Variants in MGMT observed in about 807,000 individuals in gnomAD.
The protein encoded by MGMT is O-6-methylguanine-DNA methyltransferase.
Under a neutral mutation model 15.9 loss-of-function variants are expected in MGMT, and 14 were observed. The ratio of observed to expected loss-of-function variants is 0.88; its 90% confidence interval spans 0.58 to 1.37. The LOEUF is 1.37. Among genes scored for constraint, MGMT ranks in the 40% most tolerant of loss-of-function variants. MGMT has a pLI of 0.00. For missense variants in MGMT, 282 were observed against 268.1 expected (o/e 1.05, Z -0.36); for synonymous variants, 130 against 118.2 (o/e 1.10, Z -0.65).
At chr10:129,759,924 C>A (rs911643322) in intron 4 of MGMT, among the ~76,000 whole-genome samples, 1 of 152,196 alleles carries the variant, frequency 6.6e-6, no homozygotes, top group Non-Finnish European at 1.5e-5. Flanking sequence ...CTAGACCACA[C>A]GCACCTCGTG....
At chr10:129,682,225 C>T (rs1847860817) in intron 2 of MGMT, among the ~76,000 whole-genome samples, 5 of 152,008 alleles carry the variant, frequency 3.3e-5, no homozygotes. Context: ...TAGTGACCCC[C>T]AAATTGGAAG....
At chr10:129,723,032 GTC>G (rs941897531) in intron 3 of MGMT, among the ~76,000 whole-genome samples, 2 of 102,614 alleles carry the variant, frequency 1.9e-5, no homozygotes, top group African/African-American at 3.9e-5. Flanking sequence ...AAAAAAAAAA[GTC>G]TTGTCAACTA....
chr10:129,497,134 C>G (rs1316129419), intron 1 of MGMT, among the ~76,000 whole-genome samples: 1 of 152,190 alleles, frequency 6.6e-6, no homozygotes, highest in East Asian at 1.9e-4. Context: ...TGCTGGCCAG[C>G]TGACACTAAT....
At chr10:129,519,150 G>A (rs577927578) in intron 1 of MGMT, among the ~76,000 whole-genome samples, 1 of 152,158 alleles carries the variant, frequency 6.6e-6, no homozygotes, top group African/African-American at 2.4e-5. Flanking sequence ...CTGTCTTCGA[G>A]GGGAAAGGCC....
chr10:129,716,428 C>T (rs531265414), intron 3 of MGMT, among the ~76,000 whole-genome samples: 2 of 152,330 alleles, frequency 1.3e-5, no homozygotes, highest in East Asian at 3.9e-4. Flanking sequence ...TGTGCCCACA[C>T]TGTCTGCTTT....
chr10:129,486,056 G>A (rs4751090), intron 1 of MGMT, among the ~76,000 whole-genome samples: 23,320 of 152,054 alleles, frequency 0.15, 1,900 homozygotes, highest in African/African-American at 0.2. Context: ...TAGATAGATA[G>A]CCTTTTTAAT....
intron 2 of MGMT, among the ~76,000 whole-genome samples, chr10:129,657,696 C>G (rs1847542328): frequency 7.0e-6 from 1 of 143,064 alleles, no homozygotes; most frequent in Non-Finnish European, 1.5e-5. Flanking sequence ...CACACACACA[C>G]ACACACACAC....
At chr10:129,696,183 A>G (rs915496716) in intron 2 of MGMT, among the ~76,000 whole-genome samples, 6 of 152,160 alleles carry the variant, frequency 3.9e-5, no homozygotes, top group South Asian at 2.1e-4. Flanking sequence ...TACAGCATAG[A>G]TGCCTTAGTG....
chr10:129,584,761 C>G (rs1846599714), intron 2 of MGMT, among the ~76,000 whole-genome samples: 1 of 152,172 alleles, frequency 6.6e-6, no homozygotes, highest in African/African-American at 2.4e-5. Context: ...GTGCCTGGTT[C>G]CTTTCCCTTC....
At chr10:129,622,874 A>G (rs937811221) in intron 2 of MGMT, among the ~76,000 whole-genome samples, 2 of 152,102 alleles carry the variant, frequency 1.3e-5, no homozygotes, top group Non-Finnish European at 2.9e-5. Flanking sequence ...AGCCCCTGGA[A>G]TGTTGAGTGA....
At chr10:129,675,283 A>C (rs1441517900) in intron 2 of MGMT, among the ~76,000 whole-genome samples, 2 of 152,166 alleles carry the variant, frequency 1.3e-5, no homozygotes, top group African/African-American at 4.8e-5. Flanking sequence ...CCCTGGCTGT[A>C]GTGTGGTGAG....
chr10:129,514,068 G>C (rs1845712457), intron 1 of MGMT, among the ~76,000 whole-genome samples: 1 of 152,196 alleles, frequency 6.6e-6, no homozygotes, highest in African/African-American at 2.4e-5. Context: ...GCAGATCTCT[G>C]AGATTTTCAT....
chr10:129,565,014 T>C (rs1372653010), intron 2 of MGMT, among the ~76,000 whole-genome samples: 3 of 152,042 alleles, frequency 2.0e-5, no homozygotes, highest in African/African-American at 7.2e-5. Context: ...AAAGCCTTCA[T>C]GAAAAAAGAT....
chr10:129,528,696 G>T (rs568365787), intron 1 of MGMT, among the ~76,000 whole-genome samples: 2 of 152,280 alleles, frequency 1.3e-5, no homozygotes, highest in South Asian at 4.1e-4. Context: ...CGGTGGTGGA[G>T]TAGCTCACAG....
At position 129,473,604 on chromosome 10, in the gene MGMT, A is replaced by G. The variant is rs549491872; in HGVS notation, c.-13+6308A>G. Among the ~76,000 whole-genome samples, 3 of 152,342 alleles carry G rather than the reference A, an allele frequency of 2.0e-5. No individual in the cohort carries two copies. The South Asian group carries it at 6.2e-4, about 32-fold the overall frequency. ...CCACTTGTGCCAGGCTGGCTTTGCA[A>G]CGATGAGCCTGAGAAGCTGTTAGAA... On this transcript the variant is annotated intron_variant, in intron 1 of 4. Coordinates refer to ENST00000651593, the MANE Select transcript of MGMT (RefSeq NM_002412.5).
chr10:129,537,298 A>G (rs1403965386), intron 2 of MGMT: 1 of 152,218 alleles, frequency 6.6e-6, no homozygotes, highest in Non-Finnish European at 1.5e-5. Context: ...CATAATGAGC[A>G]CAAGCGCAGT....
chr10:129,701,506 C>G (rs1490784647), intron 2 of MGMT: 1 of 152,142 alleles, frequency 6.6e-6, no homozygotes, highest in Non-Finnish European at 1.5e-5. Flanking sequence ...AGAATTCATT[C>G]AGAAATGGAC....
At chr10:129,521,506 G>A (rs961237288) in intron 1 of MGMT, among the ~76,000 whole-genome samples, 2 of 152,176 alleles carry the variant, frequency 1.3e-5, no homozygotes, top group African/African-American at 4.8e-5. Flanking sequence ...CTCAGAGAGG[G>A]AACCTCTGGC....
intron 2 of MGMT, among the ~76,000 whole-genome samples, chr10:129,607,325 A>G (rs182106540): frequency 1.7e-4 from 26 of 152,136 alleles, no homozygotes; most frequent in African/African-American, 6.3e-4. Flanking sequence ...GTCGGATAAC[A>G]TTTTAACTTA....
Sources: allele counts gnomAD v4.1 joint callset (sites outside exome capture counted in the v4.1 genomes callset), GRCh38; gene constraint gnomAD v4.1.1; transcripts MANE v1.5; gene names NCBI Gene and HGNC (gene_info 2026-07-23, HGNC 2026-07-21).